Variants in EPHB2 observed in about 807,000 individuals in gnomAD.
EPHB2 encodes the protein ephrin type-B receptor 2.
Under a neutral mutation model 96.4 loss-of-function variants are expected in EPHB2, and 18 were observed. The observed-to-expected ratio is 0.19, with a 90% CI of 0.13 to 0.28. EPHB2 has a LOEUF of 0.28. EPHB2 is among the 10% of genes least tolerant of loss of function. The probability of loss-of-function intolerance (pLI) is 1.00; values close to 1 mark genes in which losing one functional copy is unlikely to be tolerated. For missense variants in EPHB2, 989 were observed against 1,355.4 expected, an observed-to-expected ratio of 0.73 and a Z score of 4.25; for synonymous variants, 506 against 534.1, an observed-to-expected ratio of 0.95 and a Z score of 0.72.
chr1:22,779,981 A>G (rs2817907), intron 1 of EPHB2, among the ~76,000 whole-genome samples: 127,362 of 152,126 alleles, frequency 0.84, 54,419 homozygotes, highest in Non-Finnish European at 0.92. Flanking sequence ...TCTCATAGCT[A>G]TTTATATTCA....
chr1:22,780,169 C>G (rs888575324), intron 1 of EPHB2, among the ~76,000 whole-genome samples: 1 of 152,230 alleles, frequency 6.6e-6, no homozygotes, highest in Non-Finnish European at 1.5e-5. Flanking sequence ...CAATTCCATT[C>G]AGAAAGTGTT....
At chr1:22,843,249 T>A (rs1645494651) in intron 3 of EPHB2, among the ~76,000 whole-genome samples, 1 of 152,190 alleles carries the variant, frequency 6.6e-6, no homozygotes, top group South Asian at 2.1e-4. Flanking sequence ...ACTGAGGCTC[T>A]GGGGGTTCAA....
At chr1:22,862,972 G>A (rs1029184974) in intron 3 of EPHB2, 65 bp from the exon 4 acceptor site, 15 of 1,609,060 alleles carry the variant, frequency 9.3e-6, no homozygotes, top group South Asian at 6.6e-5. Context: ...GTGAGGCTGC[G>A]TGGCTCGTGA....
intron 1 of EPHB2, among the ~76,000 whole-genome samples, chr1:22,767,769 G>A (rs1042432296): frequency 6.6e-6 from 1 of 152,156 alleles, no homozygotes; most frequent in Non-Finnish European, 1.5e-5. Flanking sequence ...CATGTCAAGG[G>A]CCCCACCAGC....
At chr1:22,819,768 G>A (rs1395305941) in intron 3 of EPHB2, among the ~76,000 whole-genome samples, 1 of 152,078 alleles carries the variant, frequency 6.6e-6, no homozygotes, top group African/African-American at 2.4e-5. Context: ...TACCTCCAGT[G>A]AGGAAGCCAC....
chr1:22,913,193 G>A lies in EPHB2; in HGVS notation c.2853-269G>A, dbSNP rs891199447. 2.5e-5 allele frequency: 13 copies of A among 525,476 alleles called. No individual in the cohort carries two copies. The highest frequency in any genetic ancestry group is 1.0e-4 in the South Asian group (5 of 49,196). The allele number at this position is 525,476 out of a possible 1,614,324, so 32.6% of individuals were successfully genotyped here. A position where few individuals can be genotyped will look rare whatever the true frequency, so the allele number is the denominator to read the frequency against. On this transcript the variant is annotated intron_variant, in intron 15 of 15. Transcript: ENST00000374630. The surrounding 1 kb of genome is among the most constrained non-coding windows in gnomAD (Gnocchi z 4.1). ...GGGTGACAGAGCGAGACTCTGTCTC[G>A]AAAAAGAAAGAAAATGTAAGCTGGC...
intron 3 of EPHB2, among the ~76,000 whole-genome samples, chr1:22,816,471 C>T (rs1007936180): frequency 2.1e-4 from 32 of 152,318 alleles, no homozygotes; most frequent in African/African-American, 7.2e-4. Flanking sequence ...CTCCCCCATC[C>T]CCACCCACCA....
chr1:22,758,127 C>T (rs1236066370), intron 1 of EPHB2, among the ~76,000 whole-genome samples: 26 of 141,886 alleles, frequency 1.8e-4, no homozygotes, highest in Middle Eastern at 3.2e-3. Flanking sequence ...ACCGTGTTAG[C>T]CAGGATGGTC....
In EPHB2 at chr1:22,860,763, C is replaced by G. The variant is rs1261100479; in HGVS notation, c.812-2274C>G. Among the ~76,000 whole-genome samples the G allele has an allele frequency of 6.6e-6, 1 of 152,194 alleles. No individual in the cohort carries two copies. Among genetic ancestry groups the G allele is most frequent in the Non-Finnish European group, 1.5e-5 (1 of 68,032 alleles). ...GACCTTCCTGGAAGCCTTGTGCCCCCATTCTGCAGAGGAGGAAACCCGTTC... is the reference window on the plus strand; with the variant it reads ...GACCTTCCTGGAAGCCTTGTGCCCCGATTCTGCAGAGGAGGAAACCCGTTC... On this transcript the variant is annotated intron_variant, in intron 3 of 15. Coordinates refer to ENST00000374630, the MANE Select transcript of EPHB2 (RefSeq NM_017449.5). This position sits in a 1 kb window ranked among gnomAD's most constrained non-coding sequence, Gnocchi z 4.6.
chr1:22,726,979 T>A (rs1382666538), intron 1 of EPHB2, among the ~76,000 whole-genome samples: 1 of 151,886 alleles, frequency 6.6e-6, no homozygotes, highest in African/African-American at 2.4e-5. Context: ...TGGAAAGGGG[T>A]AGGTTTGTAT....
chr1:22,829,843 G>A (rs1318549175), intron 3 of EPHB2, among the ~76,000 whole-genome samples: 1 of 152,142 alleles, frequency 6.6e-6, no homozygotes, highest in East Asian at 1.9e-4. Flanking sequence ...GAAGTGACAG[G>A]ACAAAAGGCC....
At position 22,882,453 on chromosome 1, in the gene EPHB2, C is replaced by T; in HGVS notation, c.1398C>T (p.Ile466=). ...WSQPDQPNGV[I]LDYELQYYEK... ...AGCCGGACCAGCCCAATGGCGTGAT[C>T]CTGGACTATGAGCTGCAGTACTATG... Residue 466 remains isoleucine, a synonymous_variant, in exon 6 of 16, where the codon ATC becomes ATT. Coordinates refer to ENST00000374630, the MANE Select transcript of EPHB2 (RefSeq NM_017449.5). The T allele has an allele frequency of 6.2e-7, 1 of 1,614,158 alleles. No individual in the cohort carries two copies. The highest frequency in any genetic ancestry group is 8.5e-7 in the Non-Finnish European group (1 of 1,180,014).
intron 1 of EPHB2, among the ~76,000 whole-genome samples, chr1:22,771,822 C>T (rs1426044597): frequency 2.6e-5 from 4 of 152,150 alleles, no homozygotes; most frequent in African/African-American, 4.8e-5. Context: ...TAAAGAATCA[C>T]TGGGCAAATG....
chr1:22,890,686 G>A (rs976823162), intron 6 of EPHB2, among the ~76,000 whole-genome samples: 2 of 152,144 alleles, frequency 1.3e-5, no homozygotes, highest in African/African-American at 4.8e-5. Flanking sequence ...ATCCCCACCT[G>A]TTGTGAGAGG....
At chr1:22,787,063 T>C (rs896200160) in intron 3 of EPHB2, among the ~76,000 whole-genome samples, 1 of 152,240 alleles carries the variant, frequency 6.6e-6, no homozygotes, top group Non-Finnish European at 1.5e-5. Context: ...TTAGACCTTA[T>C]GTTGAGCATC....
At position 22,784,711 on chromosome 1, in the gene EPHB2, A is replaced by G; in HGVS notation, c.446A>G (p.Gln149Arg). ...ATTGCAGCCGACGAGAGCTTCTCCC[A>G]GGTGGACCTGGGTGGCCGCGTCATG... ...DTIAADESFS[Q>R]VDLGGRVMKI... Residue 149 changes from glutamine to arginine, a missense_variant, in exon 3 of 16, where the codon CAG (glutamine) becomes CGG (arginine). Physicochemically the swap from Gln to Arg is conservative, Grantham distance 43 (BLOSUM62 1). Transcript: ENST00000374630. The surrounding 1 kb of genome is among the most constrained non-coding windows in gnomAD (Gnocchi z 5.1). The G allele has an allele frequency of 6.2e-7, 1 of 1,613,806 alleles. No homozygotes were observed. Among genetic ancestry groups the G allele is most frequent in the Non-Finnish European group, 8.5e-7 (1 of 1,179,886 alleles).
chr1:22,905,944 T>C, intron 9 of EPHB2, 43 bp from the exon 10 acceptor site: 1 of 1,613,968 alleles, frequency 6.2e-7, no homozygotes, highest in Non-Finnish European at 8.5e-7. Flanking sequence ...TTTGTGTGCA[T>C]CTTGAGTCAG....
chr1:22,871,601 G>A (rs185079017), intron 5 of EPHB2, among the ~76,000 whole-genome samples: 1 of 152,322 alleles, frequency 6.6e-6, no homozygotes, highest in Non-Finnish European at 1.5e-5. Flanking sequence ...AACAGCACCT[G>A]GAACATAGAT....
rs1455800559 is a variant in EPHB2 at position 22,918,788 on chromosome 1, C to A, written c.*5218C>A. The A allele has an allele frequency of 2.0e-5, 3 of 152,180 alleles. No homozygotes were observed. The highest frequency in any genetic ancestry group is 4.4e-5 in the Non-Finnish European group (3 of 68,028). 9.4% of individuals were successfully genotyped at this position (152,180 alleles called of 1,614,324 possible). A position where few individuals can be genotyped will look rare whatever the true frequency, so the allele number is the denominator to read the frequency against. The stretch of plus-strand genomic sequence containing the variant: ...GGAAAGAGAGTCAACTCCGGGCACA[C>A]CCCCTCGGAGGCTAATCTCAGGAGG... On this transcript the variant is annotated 3_prime_UTR_variant, in exon 16 of 16. Coordinates refer to ENST00000374630, the MANE Select transcript of EPHB2 (RefSeq NM_017449.5). This position sits in a 1 kb window ranked among gnomAD's most constrained non-coding sequence, Gnocchi z 4.2.
Sources: allele counts gnomAD v4.1 joint callset (sites outside exome capture counted in the v4.1 genomes callset), GRCh38; gene constraint gnomAD v4.1.1; non-coding constraint Gnocchi (gnomAD v3.1); transcripts MANE v1.5; gene names NCBI Gene and HGNC (gene_info 2026-07-23, HGNC 2026-07-21).